CLDN10: variants seen among roughly 807,000 people sequenced by gnomAD.
CLDN10 encodes claudin 10, also known as claudin-10.
CLDN10 carries 15 observed loss-of-function variants against 22.9 expected under a neutral mutation model. That is an observed-to-expected ratio of 0.65 (90% CI 0.44 to 1.01). The LOEUF is 1.01. Among genes scored for constraint, CLDN10 ranks in the 50% least tolerant of loss-of-function variants. The probability of loss-of-function intolerance (pLI) is 0.00; values close to 1 mark genes in which losing one functional copy is unlikely to be tolerated. For synonymous variants in CLDN10, 114 were observed against 111.4 expected (o/e 1.02, Z -0.15); for missense variants, 247 against 287.8 (o/e 0.86, Z 1.03).
At chr13:95,475,814 G>C (rs1594545245) in intron 1 of CLDN10, among the ~76,000 whole-genome samples, 2 of 150,734 alleles carry the variant, frequency 1.3e-5, no homozygotes, top group South Asian at 4.2e-4. Context: ...GTCTCTCTCT[G>C]TCCCTCTCTC....
Position 95,435,856 on chromosome 13 carries a change from A to C in CLDN10, c.214+1809A>C, listed in dbSNP as rs144438702. Among the ~76,000 whole-genome samples, 292 of 151,770 alleles carry C rather than the reference A, an allele frequency of 1.9e-3. 1 individual carries two copies. The highest frequency in any genetic ancestry group is 6.6e-3 in the African/African-American group (272 of 41,350). On this transcript the variant is annotated intron_variant, in intron 1 of 4. Coordinates refer to the CLDN10 transcript ENST00000376873. ...ATATTTTTTGAGATGGGGTTTCTCTATGTTGCCAAGGCTGGTCTCGATCTC... is the reference window on the plus strand; with the variant it reads ...ATATTTTTTGAGATGGGGTTTCTCTCTGTTGCCAAGGCTGGTCTCGATCTC...
At chr13:95,444,567 G>A in intron 1 of CLDN10, among the ~76,000 whole-genome samples, 1 of 152,128 alleles carries the variant, frequency 6.6e-6, no homozygotes, top group East Asian at 1.9e-4. Context: ...TTAAGTTCAG[G>A]GGGACACTGA....
At chr13:95,435,278 T>C (rs946433161) in intron 1 of CLDN10, among the ~76,000 whole-genome samples, 18 of 152,184 alleles carry the variant, frequency 1.2e-4, no homozygotes, top group Non-Finnish European at 5.9e-5. Flanking sequence ...TGTTTCTTGG[T>C]AAAATATAGA....
chr13:95,521,155 C>T (rs1217392054), intron 1 of CLDN10, among the ~76,000 whole-genome samples: 1 of 152,146 alleles, frequency 6.6e-6, no homozygotes, highest in Non-Finnish European at 1.5e-5. Flanking sequence ...TTTCTTCCTT[C>T]CCAGTTCTTA....
In CLDN10 at chr13:95,560,166, T is replaced by G. The variant is rs761482439; in HGVS notation, c.255T>G (p.Ala85=). 2.5e-6 allele frequency: 4 copies of G among 1,614,218 alleles called. No individual in the cohort carries two copies. Among genetic ancestry groups the G allele is most frequent in the Non-Finnish European group, 3.4e-6 (4 of 1,180,006 alleles). ...YIQACRGLMI[A]AVSLGFFGSI... ...AGGCATGTAGAGGACTTATGATCGC[T>G]GCTGTCAGCCTGGGCTTCTTTGGTT... Residue 85 remains alanine (A), a synonymous_variant, in exon 2 of 5, where the codon GCT becomes GCG. Coordinates refer to ENST00000299339, the MANE Select transcript of CLDN10 (RefSeq NM_006984.5).
chr13:95,458,401 G>C (rs143122123), intron 1 of CLDN10, among the ~76,000 whole-genome samples: 1 of 152,220 alleles, frequency 6.6e-6, no homozygotes, highest in Non-Finnish European at 1.5e-5. Flanking sequence ...CTTGAGACTG[G>C]GTAATTTATA....
intron 1 of CLDN10, among the ~76,000 whole-genome samples, chr13:95,440,798 C>T (rs931106813): frequency 2.0e-5 from 3 of 152,202 alleles, no homozygotes; most frequent in African/African-American, 7.2e-5. Context: ...GTATAATTGT[C>T]TCTGTATCAA....
intron 1 of CLDN10, among the ~76,000 whole-genome samples, chr13:95,450,318 G>T (rs761181873): frequency 7.9e-5 from 12 of 152,204 alleles, no homozygotes; most frequent in Non-Finnish European, 1.8e-4. Flanking sequence ...AGACTTTGTT[G>T]TGTTTGTGTT....
intron 1 of CLDN10, among the ~76,000 whole-genome samples, chr13:95,539,730 T>C (rs2138621307): frequency 6.6e-6 from 1 of 152,330 alleles, no homozygotes; most frequent in African/African-American, 2.4e-5. Flanking sequence ...TTAGAAAAAC[T>C]GTGGAATGAA....
chr13:95,490,764 G>A (rs1205991170), intron 1 of CLDN10, among the ~76,000 whole-genome samples: 1 of 152,188 alleles, frequency 6.6e-6, no homozygotes, highest in Non-Finnish European at 1.5e-5. Flanking sequence ...GTATATATCT[G>A]TTAAGTCCAT....
At chr13:95,517,588 T>G (rs1447267273) in intron 1 of CLDN10, among the ~76,000 whole-genome samples, 1 of 152,166 alleles carries the variant, frequency 6.6e-6, no homozygotes, top group East Asian at 1.9e-4. Context: ...CTTTAAAACA[T>G]GCAGGGAGAA....
At chr13:95,528,361 A>G (rs1390427470) in intron 1 of CLDN10, 1 of 152,276 alleles carries the variant, frequency 6.6e-6, no homozygotes, top group Non-Finnish European at 1.5e-5. Context: ...GCCTTCCACC[A>G]TGAATGAGAG....
chr13:95,471,971 GAT>G (rs1332735085), intron 1 of CLDN10, among the ~76,000 whole-genome samples: 4 of 129,288 alleles, frequency 3.1e-5, no homozygotes, highest in African/African-American at 1.3e-4. Flanking sequence ...TTTTGGTAGA[GAT>G]AGAGTCTGCT....
chr13:95,488,054 C>T (rs1205847275), intron 1 of CLDN10, among the ~76,000 whole-genome samples: 2 of 151,200 alleles, frequency 1.3e-5, no homozygotes, highest in Non-Finnish European at 2.9e-5. Flanking sequence ...GGCGTGATCT[C>T]GACTCACCAC....
chr13:95,554,367 C>G (rs549500334), intron 1 of CLDN10, among the ~76,000 whole-genome samples: 7 of 152,104 alleles, frequency 4.6e-5, no homozygotes, highest in East Asian at 1.9e-4. Context: ...CAGATAGGTA[C>G]GCTTCCTTCT....
At position 95,555,508 on chromosome 13, in the gene CLDN10, T is replaced by C. The variant is rs182720914; in HGVS notation, c.220+2535T>C. On this transcript the variant is annotated intron_variant, in intron 1 of 4. Transcript: ENST00000299339. ...GTTTCTTTGTGGTTTCGATGATTTG[T>C]CAGTCCTTGATTTGTTATGTAGGTT... 5.1e-4 allele frequency among the ~76,000 whole-genome samples: 78 copies of C among 152,330 alleles called. 1 individual carries two copies. Among genetic ancestry groups the C allele is most frequent in the Admixed American group, 7.8e-4 (12 of 15,304 alleles).
intron 1 of CLDN10, among the ~76,000 whole-genome samples, chr13:95,483,578 G>C (rs6492795): frequency 0.59 from 89,723 of 151,528 alleles, 27,757 homozygotes; most frequent in African/African-American, 0.79. Context: ...TCATGAAGGC[G>C]TGCCTGTGGG....
intron 1 of CLDN10, among the ~76,000 whole-genome samples, chr13:95,527,300 T>G (rs1245762816): frequency 6.6e-6 from 1 of 152,244 alleles, no homozygotes; most frequent in Non-Finnish European, 1.5e-5. Context: ...TCTTGATGGT[T>G]TTCAACAATA....
chr13:95,441,987 C>CA (rs998314735), intron 1 of CLDN10, among the ~76,000 whole-genome samples: 1 of 152,084 alleles, frequency 6.6e-6, no homozygotes, highest in Non-Finnish European at 1.5e-5. Context: ...CCCGTCTCTA[C>CA]AAAAAGTACA....
Sources: gnomAD v4.1 joint callset for allele counts (sites outside exome capture counted in the v4.1 genomes callset) on GRCh38, gnomAD v4.1.1 for gene constraint, MANE v1.5 for transcripts, NCBI Gene and HGNC (gene_info 2026-07-23, HGNC 2026-07-21) for gene names.